MAP3K15: variants seen among roughly 807,000 people sequenced by gnomAD.
The protein encoded by MAP3K15 is MAPK/ERK kinase kinase 15.
A neutral mutation model predicts 99.5 loss-of-function variants in MAP3K15; 124 were observed. That is an observed-to-expected ratio of 1.25 (90% CI 1.08 to 1.45). The LOEUF (loss-of-function observed/expected upper bound fraction) is 1.45, where lower values mean the gene tolerates loss of function less well. Ranked by LOEUF, MAP3K15 falls within the 40% of genes most tolerant of loss-of-function variation. The pLI, the probability that MAP3K15 is intolerant of heterozygous loss-of-function variation, is 0.00. For missense variants in MAP3K15, 1,242 were observed against 1,079.7 expected, an observed-to-expected ratio of 1.15 and a Z score of -2.11; for synonymous variants, 494 against 439.6, an observed-to-expected ratio of 1.12 and a Z score of -1.55.
In MAP3K15 at chrX:19,360,105, AAAATAAGACTTTT is replaced by A. The variant is rs960272070; in HGVS notation, c.*631_*643del. ...TCAGGCAAGAGGACAGTTCCATTTTAAAATAAGACTTTTGTAATCATTCCAATTTTGTAATCAT... is the reference window on the plus strand; with the variant it reads ...TCAGGCAAGAGGACAGTTCCATTTTAGTAATCATTCCAATTTTGTAATCAT... On this transcript the variant is annotated 3_prime_UTR_variant, in exon 29 of 29. Coordinates refer to ENST00000338883, the MANE Select transcript of MAP3K15 (RefSeq NM_001001671.4). 2 of 148,230 alleles carry A rather than the reference AAAATAAGACTTTT, an allele frequency of 1.3e-5. No homozygotes were observed. Among genetic ancestry groups the A allele is most frequent in the African/African-American group, 8.4e-5 (2 of 23,889 alleles). 12.2% of individuals were successfully genotyped at this position (148,230 alleles called of 1,213,427 possible).
intron 6 of MAP3K15, among the ~76,000 whole-genome samples, chrX:19,435,999 C>A: frequency 9.0e-6 from 1 of 110,843 alleles, no homozygotes; most frequent in Non-Finnish European, 1.9e-5. Context: ...ACTAAAAATA[C>A]AAAAATTAGC....
intron 6 of MAP3K15, among the ~76,000 whole-genome samples, chrX:19,433,681 G>GATAATTAC (rs1387950913): frequency 9.0e-6 from 1 of 111,335 alleles, no homozygotes; most frequent in Non-Finnish European, 1.9e-5. Context: ...CCCTGCCTAA[G>GATAATTAC]ATAATTACAC....
intron 6 of MAP3K15, among the ~76,000 whole-genome samples, chrX:19,454,835 A>G (rs367553985): frequency 3.3e-4 from 37 of 112,225 alleles, no homozygotes; most frequent in African/African-American, 1.1e-3. Context: ...GAATGTTTAC[A>G]TTATACTTAC....
chrX:19,490,140 TACACACACACACACACAC>T (rs59202439), intron 1 of MAP3K15, among the ~76,000 whole-genome samples: 17 of 92,472 alleles, frequency 1.8e-4, no homozygotes, highest in Middle Eastern at 5.5e-3. Flanking sequence ...ATAGGCATTA[TACACACACACACACACAC>T]ACACACACAC....
intron 1 of MAP3K15, among the ~76,000 whole-genome samples, chrX:19,510,481 T>C (rs763662041): frequency 1.8e-5 from 2 of 112,218 alleles, no homozygotes; most frequent in East Asian, 5.6e-4. Context: ...AGGCCTTCGA[T>C]AAAATTCAAC....
chrX:19,473,881 A>G (rs1251841819), intron 3 of MAP3K15, among the ~76,000 whole-genome samples: 1 of 112,283 alleles, frequency 8.9e-6, no homozygotes, highest in Non-Finnish European at 1.9e-5. Context: ...CTTAAGTGCC[A>G]TAATTTTAAA....
chrX:19,418,043 C>T (rs891848355), intron 9 of MAP3K15, among the ~76,000 whole-genome samples: 1 of 111,587 alleles, frequency 9.0e-6, no homozygotes, highest in Non-Finnish European at 1.9e-5. Context: ...CCCATCTGTA[C>T]GTCACCTTCA....
rs1464521740 is a variant in MAP3K15 at position 19,515,065 on chromosome X, A to T, written c.197T>A (p.Val66Glu). 4 of 947,717 alleles carry T rather than the reference A, an allele frequency of 4.2e-6. No homozygotes were observed. The highest frequency in any genetic ancestry group is 5.5e-6 in the Non-Finnish European group (4 of 729,929). 78.1% of individuals were successfully genotyped at this position (947,717 alleles called of 1,213,427 possible). The change falls in exon 1 of 29, where the codon GTG becomes GAG. Residue 66 changes from valine to glutamate, a missense_variant. Transcript: ENST00000338883. ...GPRRALRAVY[V>E]RSESSQGGAA... ...GCCGCCCTGGGAGCTCTCACTGCGC[A>T]CGTATACTGCCCGCAGAGCCCGCCG...
At chrX:19,403,224 A>G (rs1348370467) in intron 13 of MAP3K15, among the ~76,000 whole-genome samples, 1 of 111,183 alleles carries the variant, frequency 9.0e-6, no homozygotes, top group Non-Finnish European at 1.9e-5. Context: ...ACTTGTTTAT[A>G]CGTTACACAT....
At chrX:19,441,103 G>C (rs140594031) in intron 6 of MAP3K15, among the ~76,000 whole-genome samples, 1,725 of 112,085 alleles carry the variant, frequency 0.015, 32 homozygotes, top group African/African-American at 0.051. Context: ...ATACCACATG[G>C]ATGAACCTTG....
At chrX:19,451,002 C>A (rs1283926978) in intron 6 of MAP3K15, among the ~76,000 whole-genome samples, 3 of 109,224 alleles carry the variant, frequency 2.7e-5, no homozygotes, top group Non-Finnish European at 5.8e-5. Context: ...AATGAGACAT[C>A]CGGCCGGGTG....
At chrX:19,476,481 G>C (rs2064244058) in intron 3 of MAP3K15, among the ~76,000 whole-genome samples, 1 of 111,807 alleles carries the variant, frequency 8.9e-6, no homozygotes, top group Admixed American at 9.5e-5. Flanking sequence ...TATTGTAGAA[G>C]AAAATCCAAG....
chrX:19,440,035 C>T (rs960436502), intron 6 of MAP3K15, among the ~76,000 whole-genome samples: 1 of 111,190 alleles, frequency 9.0e-6, no homozygotes, highest in African/African-American at 3.3e-5. Flanking sequence ...TTTCTTCTCC[C>T]ACTTTTTCTT....
At chrX:19,444,822 G>A (rs2063983828) in intron 6 of MAP3K15, among the ~76,000 whole-genome samples, 1 of 111,516 alleles carries the variant, frequency 9.0e-6, no homozygotes, top group African/African-American at 3.3e-5. Flanking sequence ...CACAAGGGCA[G>A]TAGGTGCGAA....
At chrX:19,360,997 T>C in intron 28 of MAP3K15, 164 bp from the exon 29 acceptor site, 1 of 430,554 alleles carries the variant, frequency 2.3e-6, no homozygotes, top group Non-Finnish European at 4.0e-6. Flanking sequence ...TAGAGGTACG[T>C]ACCTGCAGAG....
intron 6 of MAP3K15, among the ~76,000 whole-genome samples, chrX:19,438,006 C>T (rs1293080910): frequency 2.7e-5 from 3 of 112,383 alleles, no homozygotes; most frequent in Admixed American, 9.5e-5. Flanking sequence ...AGGTTACTTC[C>T]GGAATATGGA....
chrX:19,496,039 C>G (rs959655999), intron 1 of MAP3K15, among the ~76,000 whole-genome samples: 9 of 108,386 alleles, frequency 8.3e-5, no homozygotes, highest in African/African-American at 3.1e-4. Context: ...TCTGGGTTCC[C>G]TGGCAGCCAG....
intron 3 of MAP3K15, among the ~76,000 whole-genome samples, chrX:19,479,948 G>T (rs2090868653): frequency 8.9e-6 from 1 of 112,351 alleles, no homozygotes; most frequent in South Asian, 3.7e-4. Flanking sequence ...AATATGAAGT[G>T]AAATGTAGTG....
chrX:19,372,056 C>G (rs2063378794), intron 22 of MAP3K15, among the ~76,000 whole-genome samples: 1 of 107,136 alleles, frequency 9.3e-6, no homozygotes, highest in Non-Finnish European at 1.9e-5. Flanking sequence ...ATCACTTGAA[C>G]CTAGGAGGCG....
Sources: allele counts gnomAD v4.1 joint callset (sites outside exome capture counted in the v4.1 genomes callset), GRCh38; gene constraint gnomAD v4.1.1; transcripts MANE v1.5; gene names NCBI Gene and HGNC (gene_info 2026-07-23, HGNC 2026-07-21).